Variants in TNR observed in about 807,000 individuals in gnomAD.
TNR encodes the protein tenascin-R.
TNR carries 45 observed loss-of-function variants against 150.4 expected under a neutral mutation model. The ratio of observed to expected loss-of-function variants is 0.30; its 90% confidence interval spans 0.24 to 0.38. The LOEUF (loss-of-function observed/expected upper bound fraction) is 0.38, where lower values mean the gene tolerates loss of function less well. TNR is among the 10% of genes least tolerant of loss of function. The pLI is 1.00. For synonymous variants in TNR, 687 were observed against 678.4 expected, an observed-to-expected ratio of 1.01 and a Z score of -0.20; for missense variants, 1,544 against 1,759.1, an observed-to-expected ratio of 0.88 and a Z score of 2.19.
chr1:175,470,192 AAG>A (rs1444528324), intron 2 of TNR, among the ~76,000 whole-genome samples: 2 of 152,184 alleles, frequency 1.3e-5, no homozygotes, highest in African/African-American at 4.8e-5. Context: ...TGGAGCTCAG[AAG>A]AGAGATTCAG....
chr1:175,519,298 G>GTT (rs1392724268), intron 2 of TNR, among the ~76,000 whole-genome samples: 1 of 152,198 alleles, frequency 6.6e-6, no homozygotes, highest in African/African-American at 2.4e-5. Flanking sequence ...CAGTGTGTGT[G>GTT]TTCAGGGGAA....
chr1:175,426,086 T>G (rs751608483), intron 2 of TNR, among the ~76,000 whole-genome samples: 1 of 152,202 alleles, frequency 6.6e-6, no homozygotes, highest in Non-Finnish European at 1.5e-5. Context: ...AGGAGCCTGC[T>G]GAGGTCAGGG....
At chr1:175,643,102 TTC>T (rs1212424774) in intron 1 of TNR, among the ~76,000 whole-genome samples, 2 of 152,200 alleles carry the variant, frequency 1.3e-5, no homozygotes, top group African/African-American at 4.8e-5. Flanking sequence ...ACAATGATGT[TTC>T]TCTCATTTCT....
intron 1 of TNR, among the ~76,000 whole-genome samples, chr1:175,688,552 G>T (rs990996234): frequency 6.6e-6 from 1 of 152,178 alleles, no homozygotes; most frequent in African/African-American, 2.4e-5. Context: ...GTTCTGTTTT[G>T]TCCACTGAGT....
At chr1:175,572,227 C>A (rs1442361921) in intron 1 of TNR, among the ~76,000 whole-genome samples, 1 of 152,164 alleles carries the variant, frequency 6.6e-6, no homozygotes, top group African/African-American at 2.4e-5. Flanking sequence ...TAAAGAGTAG[C>A]CACTGCCATT....
At chr1:175,549,894 C>A (rs535416594) in intron 1 of TNR, among the ~76,000 whole-genome samples, 1 of 152,198 alleles carries the variant, frequency 6.6e-6, no homozygotes, top group Non-Finnish European at 1.5e-5. Flanking sequence ...AGAACCTGAG[C>A]TAAGTACCCA....
rs137855414 is a variant in TNR at position 175,735,278 on chromosome 1, C to A, written c.-165+7948G>T. On this transcript the variant is annotated intron_variant, in intron 1 of 22. Transcript: ENST00000367674. ...CCTCTGTCTGCCTGTGCCCTGTCAC[C>A]CCTGGCTCACAGCTGGCCAGTTGGG... 3.5e-3 allele frequency among the ~76,000 whole-genome samples: 534 copies of A among 152,300 alleles called. 3 individuals are homozygous for A. Among genetic ancestry groups the A allele is most frequent in the Middle Eastern group, 0.014 (4 of 294 alleles).
At chr1:175,398,954 T>A (rs1324874516) in intron 4 of TNR, among the ~76,000 whole-genome samples, 1 of 152,178 alleles carries the variant, frequency 6.6e-6, no homozygotes, top group African/African-American at 2.4e-5. Context: ...GTGCCAAAAG[T>A]CAGAGTGGGT....
chr1:175,399,667 C>T (rs898737724), intron 4 of TNR, among the ~76,000 whole-genome samples: 3 of 152,088 alleles, frequency 2.0e-5, no homozygotes, highest in African/African-American at 7.2e-5. Context: ...GAGCCTCATG[C>T]CTTAATTCAA....
chr1:175,572,217 T>C (rs1661902168), intron 1 of TNR, among the ~76,000 whole-genome samples: 1 of 152,180 alleles, frequency 6.6e-6, no homozygotes, highest in South Asian at 2.1e-4. Context: ...TCAGTTGGCT[T>C]AAAGAGTAGC....
intron 2 of TNR, among the ~76,000 whole-genome samples, chr1:175,485,821 C>T (rs1034678332): frequency 1.3e-5 from 2 of 152,158 alleles, no homozygotes; most frequent in Admixed American, 6.5e-5. Flanking sequence ...ATAGTAATAG[C>T]TAACATTTAT....
intron 4 of TNR, among the ~76,000 whole-genome samples, chr1:175,398,643 C>T (rs931528067): frequency 2.0e-5 from 3 of 152,150 alleles, no homozygotes; most frequent in Non-Finnish European, 4.4e-5. Flanking sequence ...ACCCTCTCAC[C>T]AACACCATGG....
intron 2 of TNR, among the ~76,000 whole-genome samples, chr1:175,511,152 T>C (rs959799606): frequency 2.0e-5 from 3 of 152,206 alleles, no homozygotes; most frequent in Non-Finnish European, 4.4e-5. Flanking sequence ...TTAGCTTCTG[T>C]TTCTTCACAA....
At chr1:175,741,504 C>G (rs1571810079) in intron 1 of TNR, among the ~76,000 whole-genome samples, 1 of 152,172 alleles carries the variant, frequency 6.6e-6, no homozygotes, top group East Asian at 1.9e-4. Flanking sequence ...TGGAAGATTT[C>G]AAGGACAGGA....
chr1:175,590,495 A>T (rs1662756117), intron 1 of TNR, among the ~76,000 whole-genome samples: 1 of 152,252 alleles, frequency 6.6e-6, no homozygotes, highest in South Asian at 2.1e-4. Context: ...GAGGATACAA[A>T]AAGTAAATAC....
In TNR at chr1:175,508,659, C is replaced by T. The variant is rs117867788; in HGVS notation, c.-64+19610G>A. On this transcript the variant is annotated intron_variant, in intron 2 of 22. Coordinates refer to ENST00000367674, the MANE Select transcript of TNR (RefSeq NM_003285.3). ...AGGCCCTCGAGGACCCATGGGTGTG[C>T]GTGGGAGCAAATCTTTCTCCAGTTC... Among the ~76,000 whole-genome samples, 175 of 152,314 alleles carry T rather than the reference C, an allele frequency of 1.1e-3. 2 individuals carry two copies. The East Asian group carries it at 0.024, about 21-fold the overall frequency.
At chr1:175,673,673 T>C (rs1022108925) in intron 1 of TNR, among the ~76,000 whole-genome samples, 2 of 152,198 alleles carry the variant, frequency 1.3e-5, no homozygotes, top group African/African-American at 4.8e-5. Context: ...ACAATCGAAG[T>C]GAGTAAACAC....
chr1:175,440,617 G>A (rs1019817997), intron 2 of TNR, among the ~76,000 whole-genome samples: 1 of 152,038 alleles, frequency 6.6e-6, no homozygotes, highest in Non-Finnish European at 1.5e-5. Flanking sequence ...AGGAGAATGA[G>A]TAGGAGGGAC....
At chr1:175,707,501 T>C (rs1476611477) in intron 1 of TNR, among the ~76,000 whole-genome samples, 1 of 152,212 alleles carries the variant, frequency 6.6e-6, no homozygotes, top group East Asian at 1.9e-4. Flanking sequence ...ATCCCAAATT[T>C]ATAAAGAAAC....
Sources: gnomAD v4.1 joint callset for allele counts (sites outside exome capture counted in the v4.1 genomes callset) on GRCh38, gnomAD v4.1.1 for gene constraint, MANE v1.5 for transcripts, NCBI Gene and HGNC (gene_info 2026-07-23, HGNC 2026-07-21) for gene names.